The following GRIA1 variants were observed in gnomAD, a reference collection of about 807,000 sequenced individuals.
GRIA1 encodes glutamate receptor 1.
Under a neutral mutation model 99.2 loss-of-function variants are expected in GRIA1, and 31 were observed. That is an observed-to-expected ratio of 0.31 (90% CI 0.23 to 0.42). The LOEUF (loss-of-function observed/expected upper bound fraction) is 0.42. Ranked by LOEUF, GRIA1 falls within the 10% of genes least tolerant of loss-of-function variation. The pLI is 1.00. For synonymous variants in GRIA1, 438 were observed against 432.4 expected (o/e 1.01, Z -0.16); for missense variants, 782 against 1,157.5 (o/e 0.68, Z 4.71).
intron 2 of GRIA1, among the ~76,000 whole-genome samples, chr5:153,529,910 C>T (rs1757939601): frequency 6.6e-6 from 1 of 152,158 alleles, no homozygotes; most frequent in South Asian, 2.1e-4. Flanking sequence ...TATGCTTCCC[C>T]TCTCTGAGCC....
chr5:153,694,936 G>C (rs1189913474), intron 8 of GRIA1, among the ~76,000 whole-genome samples: 1 of 151,832 alleles, frequency 6.6e-6, no homozygotes, highest in Non-Finnish European at 1.5e-5. Context: ...AAGGAAGGGA[G>C]AAAGGATGGA....
intron 8 of GRIA1, among the ~76,000 whole-genome samples, 176 bp from the exon 9 acceptor site, chr5:153,697,868 C>T (rs1316869480): frequency 2.0e-5 from 3 of 152,152 alleles, no homozygotes. Context: ...ATTGGGGGCA[C>T]CTGAAAAGCA....
At chr5:153,505,995 TG>T (rs960307709) in intron 2 of GRIA1, among the ~76,000 whole-genome samples, 14 of 152,280 alleles carry the variant, frequency 9.2e-5, no homozygotes, top group African/African-American at 2.9e-4. Context: ...TCCAGCCCCA[TG>T]GGCAACTTGG....
Position 153,776,701 on chromosome 5 carries a change from CA to C in GRIA1, c.2270+6290del, listed in dbSNP as rs1764275890. Among the ~76,000 whole-genome samples, 3 of 152,218 alleles carry C rather than the reference CA, an allele frequency of 2.0e-5. No homozygotes were observed. The South Asian group carries it at 6.2e-4, about 32-fold the overall frequency. ...CAACCCTGTGCTGGAAAATATCTAG[CA>C]AAAGTTGCTTGTGTATATTGGCATC... On this transcript the variant is annotated intron_variant, in intron 13 of 15. Transcript: ENST00000285900.
chr5:153,793,168 C>T (rs1389153920), intron 13 of GRIA1, among the ~76,000 whole-genome samples: 1 of 152,182 alleles, frequency 6.6e-6, no homozygotes, highest in African/African-American at 2.4e-5. Flanking sequence ...CTTTTAAAAA[C>T]AAACAAATAA....
intron 7 of GRIA1, among the ~76,000 whole-genome samples, chr5:153,679,540 C>T (rs899048638): frequency 4.6e-5 from 7 of 152,212 alleles, no homozygotes; most frequent in Non-Finnish European, 1.0e-4. Context: ...GGCTCCTCTT[C>T]CCCCAGTTAG....
At chr5:153,657,178 A>C (rs926670301) in intron 5 of GRIA1, among the ~76,000 whole-genome samples, 4 of 152,190 alleles carry the variant, frequency 2.6e-5, no homozygotes, top group African/African-American at 9.7e-5. Context: ...TTAGTGTACA[A>C]GATTTTCACT....
chr5:153,692,117 T>C (rs1477975116), intron 8 of GRIA1, among the ~76,000 whole-genome samples: 2 of 152,196 alleles, frequency 1.3e-5, no homozygotes, highest in African/African-American at 4.8e-5. Context: ...CCTGGCATTT[T>C]CTATCACTAG....
chr5:153,546,727 C>T (rs922200409), intron 2 of GRIA1, among the ~76,000 whole-genome samples: 4 of 152,192 alleles, frequency 2.6e-5, no homozygotes, highest in African/African-American at 9.7e-5. Context: ...CACTCCTAAC[C>T]AACACATTGT....
chr5:153,585,352 A>G (rs1763388072), intron 2 of GRIA1, among the ~76,000 whole-genome samples: 1 of 115,182 alleles, frequency 8.7e-6, no homozygotes, highest in Non-Finnish European at 1.6e-5. Flanking sequence ...TCTGTCGCCC[A>G]GGCTGGAGTA....
At chr5:153,610,027 C>T (rs1046710006) in intron 2 of GRIA1, among the ~76,000 whole-genome samples, 2 of 152,208 alleles carry the variant, frequency 1.3e-5, no homozygotes, top group African/African-American at 2.4e-5. Flanking sequence ...CTACTGTCTG[C>T]ATGCCTGGAA....
intron 10 of GRIA1, among the ~76,000 whole-genome samples, chr5:153,701,767 CA>C (rs1382396925): frequency 1.3e-5 from 2 of 152,052 alleles, no homozygotes; most frequent in Non-Finnish European, 1.5e-5. Flanking sequence ...TCTCAACCAC[CA>C]ACCACCAGAG....
At chr5:153,502,883 C>A (rs914313333) in intron 2 of GRIA1, among the ~76,000 whole-genome samples, 3 of 152,166 alleles carry the variant, frequency 2.0e-5, no homozygotes, top group Admixed American at 2.0e-4. Context: ...ACAGAGACAG[C>A]AAACACAATA....
At chr5:153,576,168 A>G (rs1024085324) in intron 2 of GRIA1, among the ~76,000 whole-genome samples, 18 of 152,222 alleles carry the variant, frequency 1.2e-4, no homozygotes, top group African/African-American at 4.1e-4. Flanking sequence ...TATCTGTAGA[A>G]CAGCTTAACT....
At chr5:153,709,380 C>T (rs944885125) in intron 11 of GRIA1, among the ~76,000 whole-genome samples, 4 of 152,164 alleles carry the variant, frequency 2.6e-5, no homozygotes, top group Admixed American at 6.5e-5. Context: ...ATCTGAATTG[C>T]ATATATCTGC....
chr5:153,540,831 G>A (rs1759011371), intron 2 of GRIA1, among the ~76,000 whole-genome samples: 1 of 152,148 alleles, frequency 6.6e-6, no homozygotes. Flanking sequence ...CAAATATTGT[G>A]GTAATGTTCC....
At chr5:153,782,392 CTA>C (rs1196746815) in intron 13 of GRIA1, among the ~76,000 whole-genome samples, 1 of 152,176 alleles carries the variant, frequency 6.6e-6, no homozygotes, top group Non-Finnish European at 1.5e-5. Context: ...GTGAACAGGG[CTA>C]TGTGTCTTAT....
In GRIA1 at chr5:153,581,465, A is replaced by T. The variant is rs147316793; in HGVS notation, c.221-65463A>T. Among the ~76,000 whole-genome samples, 90 of 152,254 alleles carry T rather than the reference A, an allele frequency of 5.9e-4. 3 individuals carry two copies. The East Asian group carries it at 0.014, about 24-fold the overall frequency. On this transcript the variant is annotated intron_variant, in intron 2 of 15. Coordinates refer to ENST00000285900, the MANE Select transcript of GRIA1 (RefSeq NM_000827.4). The stretch of plus-strand genomic sequence containing the variant: ...TCTTCATTTGTGCTCAAATATGCCA[A>T]GTTTTCTCCTACCTTAGGAGCTACT...
chr5:153,646,729 G>A (rs766863398), intron 2 of GRIA1, among the ~76,000 whole-genome samples, 199 bp from the exon 3 acceptor site: 6 of 152,142 alleles, frequency 3.9e-5, no homozygotes, highest in Non-Finnish European at 5.9e-5. Context: ...TAGATGGGTA[G>A]GATGGATGGA....
Sources: gnomAD v4.1 joint callset for allele counts (sites outside exome capture counted in the v4.1 genomes callset) on GRCh38, gnomAD v4.1.1 for gene constraint, MANE v1.5 for transcripts, NCBI Gene and HGNC (gene_info 2026-07-23, HGNC 2026-07-21) for gene names.